Variants in SPATA6 observed in about 807,000 individuals in gnomAD.
The protein encoded by SPATA6 is spermatogenesis-associated protein 6.
A neutral mutation model predicts 65.3 loss-of-function variants in SPATA6; 56 were observed. The observed-to-expected ratio is 0.86, with a 90% CI of 0.69 to 1.07. The LOEUF (loss-of-function observed/expected upper bound fraction) is 1.07, where lower values mean the gene tolerates loss of function less well. SPATA6 is among the 50% of genes least tolerant of loss of function. The probability of loss-of-function intolerance (pLI) is 0.00; values close to 1 mark genes in which losing one functional copy is unlikely to be tolerated. For missense variants in SPATA6, 590 were observed against 594.8 expected, an observed-to-expected ratio of 0.99 and a Z score of 0.08; for synonymous variants, 199 against 213.2, an observed-to-expected ratio of 0.93 and a Z score of 0.58.
chr1:48,385,495 T>C (rs547056043), intron 8 of SPATA6, 146 bp from the exon 9 acceptor site: 71 of 560,348 alleles, frequency 1.3e-4, no homozygotes, highest in Non-Finnish European at 7.7e-5. Context: ...TCAGAAAGGA[T>C]AATAATCCAT....
intron 11 of SPATA6, among the ~76,000 whole-genome samples, chr1:48,345,219 G>T (rs942223372): frequency 6.6e-6 from 1 of 151,930 alleles, no homozygotes; most frequent in Non-Finnish European, 1.5e-5. Context: ...CATAGAAATT[G>T]AACAAACTGC....
intron 3 of SPATA6, among the ~76,000 whole-genome samples, chr1:48,449,318 G>C (rs1219379637): frequency 1.3e-5 from 2 of 152,160 alleles, no homozygotes; most frequent in Non-Finnish European, 2.9e-5. Flanking sequence ...GCTGCCTGGA[G>C]CCAAATTATC....
chr1:48,299,042 C>A, intron 12 of SPATA6, 149 bp from the exon 13 acceptor site: 2 of 678,574 alleles, frequency 2.9e-6, no homozygotes, highest in Non-Finnish European at 4.5e-6. Flanking sequence ...CCTGTGCTTT[C>A]AAAGAGGGAC....
chr1:48,292,540 ATG>A (rs1399436590), downstream of SPATA6, among the ~76,000 whole-genome samples: 1 of 152,200 alleles, frequency 6.6e-6, no homozygotes, highest in African/African-American at 2.4e-5. Context: ...GGTGGCAAGT[ATG>A]CCTGTGGCAC....
At chr1:48,272,257 T>G in the SPATA6 span, among the ~76,000 whole-genome samples, 1 of 152,204 alleles carries the variant, frequency 6.6e-6, no homozygotes, top group Non-Finnish European at 1.5e-5. Flanking sequence ...GTTTATTAAC[T>G]ATCATCACCA....
At chr1:48,459,192 G>A (rs1426850323) in intron 1 of SPATA6, among the ~76,000 whole-genome samples, 7 of 117,960 alleles carry the variant, frequency 5.9e-5, no homozygotes, top group South Asian at 2.8e-4. Context: ...GCAACACTGC[G>A]AGACTCCATA....
chr1:48,445,870 C>G lies in SPATA6; in HGVS notation c.238+5682G>C, dbSNP rs571510665. 3.3e-5 allele frequency among the ~76,000 whole-genome samples: 5 copies of G among 152,070 alleles called. No individual in the cohort carries two copies. In the South Asian group the frequency reaches 8.3e-4, roughly 25 times the overall value. On this transcript the variant is annotated intron_variant, in intron 3 of 12. Coordinates refer to ENST00000371847, the MANE Select transcript of SPATA6 (RefSeq NM_019073.4). The stretch of plus-strand genomic sequence containing the variant: ...GGGGAAGATGTGAGGCCTGAGACCA[C>G]TGCAATTTTGCTACTATAAATTTTG...
the SPATA6 span, among the ~76,000 whole-genome samples, chr1:48,268,406 A>C: frequency 6.6e-6 from 1 of 152,166 alleles, no homozygotes; most frequent in South Asian, 2.1e-4. Flanking sequence ...GTGAAATCAC[A>C]TTGAACATTC....
intron 3 of SPATA6, among the ~76,000 whole-genome samples, chr1:48,430,897 T>C (rs1324011321): frequency 6.6e-6 from 1 of 151,970 alleles, no homozygotes; most frequent in East Asian, 1.9e-4. Context: ...AGAAAACCAA[T>C]AGCAAAATGA....
intron 11 of SPATA6, among the ~76,000 whole-genome samples, chr1:48,306,469 C>G (rs1645065014): frequency 6.6e-6 from 1 of 151,908 alleles, no homozygotes; most frequent in Admixed American, 6.6e-5. Context: ...CATACAAGGA[C>G]ATAAGAAATA....
At chr1:48,369,342 T>A (rs1242512379) in intron 9 of SPATA6, among the ~76,000 whole-genome samples, 1 of 152,134 alleles carries the variant, frequency 6.6e-6, no homozygotes, top group African/African-American at 2.4e-5. Context: ...CATTTAAGTC[T>A]GCTGTCTTTT....
chr1:48,319,435 G>C (rs1337036985), intron 11 of SPATA6, among the ~76,000 whole-genome samples: 1 of 152,112 alleles, frequency 6.6e-6, no homozygotes, highest in Non-Finnish European at 1.5e-5. Context: ...ACTATAAGCA[G>C]CTAGTGAGCG....
chr1:48,312,310 A>AC (rs1377755903), intron 11 of SPATA6, among the ~76,000 whole-genome samples: 4 of 152,116 alleles, frequency 2.6e-5, no homozygotes, highest in African/African-American at 9.6e-5. Flanking sequence ...ACTGGGAGGC[A>AC]CCCCCCAGTA....
chr1:48,289,172 CATTTGCTGTTCTGCAAT>C, the SPATA6 span, among the ~76,000 whole-genome samples: 5 of 152,222 alleles, frequency 3.3e-5, no homozygotes, highest in South Asian at 2.1e-4. Flanking sequence ...CAGACAGCAA[CATTTGCTGTTCTGCAAT>C]ATTTGCTGTT....
chr1:48,342,119 G>A (rs1010276743), intron 11 of SPATA6, among the ~76,000 whole-genome samples: 1 of 152,146 alleles, frequency 6.6e-6, no homozygotes, highest in South Asian at 2.1e-4. Flanking sequence ...TAGGAAATAC[G>A]TTCAGATTTG....
intron 1 of SPATA6, among the ~76,000 whole-genome samples, chr1:48,456,623 T>A (rs1291743749): frequency 6.6e-6 from 1 of 152,094 alleles, no homozygotes; most frequent in Non-Finnish European, 1.5e-5. Context: ...TGTCTAATGA[T>A]CTAAATGAAA....
chr1:48,308,696 C>T (rs1645123056), intron 11 of SPATA6, among the ~76,000 whole-genome samples: 1 of 152,034 alleles, frequency 6.6e-6, no homozygotes, highest in South Asian at 2.1e-4. Flanking sequence ...TTTTGAAAGA[C>T]AGTTTTGCTG....
intron 9 of SPATA6, among the ~76,000 whole-genome samples, chr1:48,381,302 A>G (rs961179608): frequency 6.6e-6 from 1 of 152,174 alleles, no homozygotes; most frequent in Non-Finnish European, 1.5e-5. Flanking sequence ...ATGAATCCTT[A>G]GATAGATGGC....
chr1:48,339,323 A>G (rs1646144349), intron 11 of SPATA6, among the ~76,000 whole-genome samples: 1 of 152,040 alleles, frequency 6.6e-6, no homozygotes, highest in African/African-American at 2.4e-5. Flanking sequence ...TTAGCCTTTG[A>G]CGCTACCTGC....
Sources: gnomAD v4.1 joint callset for allele counts (sites outside exome capture counted in the v4.1 genomes callset) on GRCh38, gnomAD v4.1.1 for gene constraint, MANE v1.5 for transcripts, NCBI Gene and HGNC (gene_info 2026-07-23, HGNC 2026-07-21) for gene names.